The following CDH8 variants were observed in gnomAD, a reference collection of about 807,000 sequenced individuals.
CDH8 encodes cadherin-8.
Under a neutral mutation model 68.1 loss-of-function variants are expected in CDH8, and 17 were observed. The observed-to-expected ratio is 0.25, with a 90% CI of 0.17 to 0.37. The LOEUF (loss-of-function observed/expected upper bound fraction) is 0.37, where lower values mean the gene tolerates loss of function less well. CDH8 is among the 10% of genes least tolerant of loss of function. The probability of loss-of-function intolerance (pLI) is 1.00; values close to 1 mark genes in which losing one functional copy is unlikely to be tolerated. For synonymous variants in CDH8, 372 were observed against 365.1 expected (o/e 1.02, Z -0.21); for missense variants, 763 against 999.3 (o/e 0.76, Z 3.19).
chr16:61,916,688 T>C (rs972484794), intron 2 of CDH8, among the ~76,000 whole-genome samples: 18 of 152,144 alleles, frequency 1.2e-4, no homozygotes, highest in African/African-American at 4.1e-4. Context: ...CAGATACTAA[T>C]AGATATGGAA....
intron 7 of CDH8, among the ~76,000 whole-genome samples, chr16:61,790,166 T>C (rs1397211500): frequency 6.6e-6 from 1 of 152,030 alleles, no homozygotes; most frequent in Non-Finnish European, 1.5e-5. Flanking sequence ...ATTAAGAATT[T>C]CAAAGGGACA....
At chr16:61,833,268 G>A (rs1200771631) in intron 4 of CDH8, among the ~76,000 whole-genome samples, 1 of 151,286 alleles carries the variant, frequency 6.6e-6, no homozygotes, top group Non-Finnish European at 1.5e-5. Context: ...ACTCATAGCT[G>A]TAAATATGCA....
chr16:61,979,055 G>GA (rs201715855), intron 2 of CDH8, among the ~76,000 whole-genome samples: 1,738 of 109,398 alleles, frequency 0.016, 41 homozygotes, highest in East Asian at 0.098. Flanking sequence ...CTTCTAGAAA[G>GA]AAAAAAAAAA....
Position 61,958,106 on chromosome 16 carries a change from A to G in CDH8, c.253-56633T>C, listed in dbSNP as rs190410248. On this transcript the variant is annotated intron_variant, in intron 2 of 11. Coordinates refer to ENST00000577390, the MANE Select transcript of CDH8 (RefSeq NM_001796.5). ...CCCTCAAAAAGCTATATCTTGTGGG[A>G]GAGGGGGATAAATTGATCAAACCCT... Among the ~76,000 whole-genome samples, 879 of 152,286 alleles carry G rather than the reference A, an allele frequency of 5.8e-3. 5 individuals carry two copies. Among genetic ancestry groups the G allele is most frequent in the Non-Finnish European group, 7.7e-3 (526 of 68,020 alleles).
chr16:61,968,295 C>T (rs1344086156), intron 2 of CDH8, among the ~76,000 whole-genome samples: 1 of 152,202 alleles, frequency 6.6e-6, no homozygotes, highest in Non-Finnish European at 1.5e-5. Flanking sequence ...TTTCCTCCTC[C>T]TTTCATTCAC....
intron 2 of CDH8, among the ~76,000 whole-genome samples, chr16:61,931,423 A>C (rs1379447462): frequency 6.6e-6 from 1 of 152,066 alleles, no homozygotes; most frequent in East Asian, 1.9e-4. Context: ...TGATCCTTCC[A>C]CCTCGGTTTC....
intron 7 of CDH8, among the ~76,000 whole-genome samples, chr16:61,795,077 A>C (rs747791508): frequency 6.6e-6 from 1 of 151,802 alleles, no homozygotes; most frequent in Non-Finnish European, 1.5e-5. Context: ...CTTCCTACTC[A>C]TTTCACTGTG....
intron 3 of CDH8, among the ~76,000 whole-genome samples, chr16:61,864,829 T>C (rs1963222456): frequency 2.0e-5 from 3 of 152,172 alleles, no homozygotes; most frequent in Non-Finnish European, 1.5e-5. Flanking sequence ...TGAATTACAG[T>C]TGGTTAACTG....
chr16:61,951,811 C>T (rs1964903557), intron 2 of CDH8, among the ~76,000 whole-genome samples: 1 of 152,088 alleles, frequency 6.6e-6, no homozygotes, highest in Admixed American at 6.5e-5. Context: ...ATGATTTCCC[C>T]ATGAGCCACT....
At chr16:61,886,394 C>A (rs1229711551) in intron 3 of CDH8, among the ~76,000 whole-genome samples, 4 of 152,226 alleles carry the variant, frequency 2.6e-5, no homozygotes, top group Non-Finnish European at 4.4e-5. Context: ...TATCCTCTTA[C>A]AGACCAAAGT....
At chr16:61,733,861 C>T (rs1959604193) in intron 8 of CDH8, among the ~76,000 whole-genome samples, 1 of 151,978 alleles carries the variant, frequency 6.6e-6, no homozygotes, top group African/African-American at 2.4e-5. Context: ...TTATCTACGA[C>T]CACAGTGATC....
At chr16:61,779,314 C>T (rs1449082680) in intron 8 of CDH8, among the ~76,000 whole-genome samples, 1 of 151,982 alleles carries the variant, frequency 6.6e-6, no homozygotes, top group Non-Finnish European at 1.5e-5. Context: ...CTTTACTGTC[C>T]TATGGCTATA....
At chr16:61,897,094 TATATATAAC>T (rs1963880612) in intron 3 of CDH8, among the ~76,000 whole-genome samples, 2 of 148,486 alleles carry the variant, frequency 1.3e-5, no homozygotes, top group African/African-American at 4.9e-5. Flanking sequence ...AATATATAAA[TATATATAAC>T]ATACATAACT....
chr16:61,966,946 T>C (rs560558979), intron 2 of CDH8, among the ~76,000 whole-genome samples: 120 of 152,260 alleles, frequency 7.9e-4, no homozygotes, highest in African/African-American at 2.8e-3. Flanking sequence ...GGCTCACACC[T>C]GTAATCCCAA....
intron 1 of CDH8, among the ~76,000 whole-genome samples, chr16:62,027,552 GAC>G (rs1279874514): frequency 6.6e-5 from 10 of 152,162 alleles, no homozygotes; most frequent in African/African-American, 2.4e-4. Context: ...AAGCAAAAAT[GAC>G]ACAGAGGACC....
chr16:61,970,042 C>T (rs913389868), intron 2 of CDH8, among the ~76,000 whole-genome samples: 1 of 152,192 alleles, frequency 6.6e-6, no homozygotes. Flanking sequence ...GTCTTAAAGG[C>T]ATCTATTATT....
chr16:61,816,630 C>T (rs1962080773), intron 7 of CDH8, among the ~76,000 whole-genome samples: 1 of 152,084 alleles, frequency 6.6e-6, no homozygotes, highest in Non-Finnish European at 1.5e-5. Flanking sequence ...ACATCATTAG[C>T]CAACACTTCA....
At chr16:61,654,158 A>G in intron 11 of CDH8, 57 bp from the exon 12 acceptor site, 4 of 1,509,480 alleles carry the variant, frequency 2.6e-6, no homozygotes, top group Non-Finnish European at 3.6e-6. Context: ...TTCACAAGCA[A>G]CACACTATAT....
intron 2 of CDH8, among the ~76,000 whole-genome samples, chr16:61,921,380 T>A (rs193225598): frequency 6.6e-6 from 1 of 152,062 alleles, no homozygotes; most frequent in Non-Finnish European, 1.5e-5. Context: ...AAGCAAACTA[T>A]GGCTATTCTG....
Sources: allele counts gnomAD v4.1 joint callset (sites outside exome capture counted in the v4.1 genomes callset), GRCh38; gene constraint gnomAD v4.1.1; transcripts MANE v1.5; gene names NCBI Gene and HGNC (gene_info 2026-07-23, HGNC 2026-07-21).